NALCN: variants seen among roughly 807,000 people sequenced by gnomAD.
NALCN encodes the protein sodium leak channel, non-selective, also known as sodium leak channel NALCN.
NALCN carries 111 observed loss-of-function variants against 225.3 expected under a neutral mutation model. The ratio of observed to expected loss-of-function variants is 0.49; its 90% CI spans 0.42 to 0.58. The LOEUF (loss-of-function observed/expected upper bound fraction) is 0.58. Ranked by LOEUF, NALCN falls within the 20% of genes least tolerant of loss-of-function variation. The pLI is 0.00. For missense variants in NALCN, 1,378 were observed against 2,202.4 expected (o/e 0.63, Z 7.49); for synonymous variants, 764 against 769.0 (o/e 0.99, Z 0.11).
intron 7 of NALCN, among the ~76,000 whole-genome samples, chr13:101,336,738 A>C (rs533898986): frequency 6.6e-6 from 1 of 152,234 alleles, no homozygotes; most frequent in African/African-American, 2.4e-5. Context: ...GGATTTCCAA[A>C]ATCACCTTGT....
At position 101,392,010 on chromosome 13, in the gene NALCN, A is replaced by C. The variant is rs530336478; in HGVS notation, c.291+3173T>G. ...GAAAAAACAAAAACAAAAACAAAAA[A>C]AAAACAAAAAATAAAAAATAAAAAT... is the stretch of plus-strand genomic sequence containing the variant. On this transcript the variant is annotated intron_variant, in intron 3 of 43. Coordinates refer to ENST00000251127, the MANE Select transcript of NALCN (RefSeq NM_052867.4). Among the ~76,000 whole-genome samples the C allele has an allele frequency of 3.0e-3, 455 of 151,642 alleles. 6 individuals carry two copies. Among genetic ancestry groups the C allele is most frequent in the African/African-American group, 1.0e-2 (413 of 41,318 alleles).
chr13:101,392,013 A>C (rs753523917), intron 3 of NALCN, among the ~76,000 whole-genome samples: 3 of 151,618 alleles, frequency 2.0e-5, no homozygotes, highest in South Asian at 4.2e-4. Flanking sequence ...ACAAAAAAAA[A>C]ACAAAAAATA....
chr13:101,238,496 G>T (rs565819546), intron 11 of NALCN, among the ~76,000 whole-genome samples: 123 of 151,888 alleles, frequency 8.1e-4, no homozygotes, highest in African/African-American at 2.9e-3. Context: ...ATCAATATTA[G>T]TATATTAACA....
At chr13:101,092,040 C>T (rs1037107119) in intron 28 of NALCN, among the ~76,000 whole-genome samples, 4 of 152,170 alleles carry the variant, frequency 2.6e-5, no homozygotes, top group Non-Finnish European at 5.9e-5. Flanking sequence ...CCTGTAACTA[C>T]GGAGTCCTTC....
chr13:101,234,961 T>G (rs1160657708), intron 12 of NALCN, among the ~76,000 whole-genome samples: 1 of 152,042 alleles, frequency 6.6e-6, no homozygotes, highest in Non-Finnish European at 1.5e-5. Context: ...AAATCAGACA[T>G]GATGACAAGA....
chr13:101,137,355 C>T (rs577213696), intron 17 of NALCN, among the ~76,000 whole-genome samples: 304 of 151,594 alleles, frequency 2.0e-3, no homozygotes, highest in African/African-American at 6.6e-3. Flanking sequence ...AGGCTGTGTT[C>T]GTTCGTTCAT....
chr13:101,256,621 C>G (rs1186673236), intron 11 of NALCN, among the ~76,000 whole-genome samples: 1 of 152,166 alleles, frequency 6.6e-6, no homozygotes, highest in Non-Finnish European at 1.5e-5. Context: ...TCCCACTTCA[C>G]TGTCTCATCA....
At chr13:101,064,849 G>A (rs572187239) in intron 40 of NALCN, among the ~76,000 whole-genome samples, 1 of 152,282 alleles carries the variant, frequency 6.6e-6, no homozygotes, top group African/African-American at 2.4e-5. Context: ...AAATACAGAA[G>A]TCTCCCAGGA....
chr13:101,415,228 T>TATATATATATATATATATATATATATAC (rs137895468), intron 1 of NALCN, among the ~76,000 whole-genome samples: 3 of 129,230 alleles, frequency 2.3e-5, no homozygotes, highest in Non-Finnish European at 3.3e-5. Context: ...TATATATACA[T>TATATATATATATATATATATATATATAC]ACATATATAT....
rs757748955 is a variant in NALCN at position 101,083,799 on chromosome 13, C to T, written c.3495G>A (p.Thr1165=). Residue 1165 remains threonine, a synonymous_variant, in exon 31 of 44, where the codon ACG becomes ACA. Transcript: ENST00000251127. ...TTCTCTGATCGACGGTCAGCAAAGC[C>T]GTCCCCTTAACAGACAAAAGAAAGC... ...VIANFNENKG[T]ALLTVDQRRW... The T allele has an allele frequency of 1.6e-5, 26 of 1,613,494 alleles. No homozygotes were observed. The highest frequency in any genetic ancestry group is 1.2e-4 in the Admixed American group (7 of 59,986).
intron 10 of NALCN, among the ~76,000 whole-genome samples, chr13:101,261,212 G>A (rs1213050954): frequency 3.3e-5 from 5 of 152,064 alleles, no homozygotes; most frequent in African/African-American, 1.2e-4. Context: ...ATTCTGTTTC[G>A]TTGGTCTATG....
At chr13:101,183,063 A>G (rs1401939524) in intron 14 of NALCN, among the ~76,000 whole-genome samples, 2 of 152,232 alleles carry the variant, frequency 1.3e-5, no homozygotes, top group Non-Finnish European at 2.9e-5. Flanking sequence ...GGAGTGGGTG[A>G]CAAGCCCTCA....
intron 7 of NALCN, among the ~76,000 whole-genome samples, chr13:101,300,081 T>A (rs895394739): frequency 1.3e-5 from 2 of 151,376 alleles, no homozygotes; most frequent in African/African-American, 4.9e-5. Flanking sequence ...GGACTCAACA[T>A]AATGAACATT....
intron 13 of NALCN, among the ~76,000 whole-genome samples, chr13:101,196,530 A>T (rs774628082): frequency 1.1e-4 from 16 of 152,150 alleles, no homozygotes; most frequent in Non-Finnish European, 2.1e-4. Context: ...AGGGGCAGAG[A>T]ATTATTCCAG....
intron 3 of NALCN, among the ~76,000 whole-genome samples, chr13:101,379,588 C>G (rs143757338): frequency 4.2e-5 from 6 of 143,658 alleles, no homozygotes; most frequent in African/African-American, 1.5e-4. Context: ...AGCTGGAAAC[C>G]ATCACTCTCA....
At chr13:101,381,801 A>G (rs2046855757) in intron 3 of NALCN, among the ~76,000 whole-genome samples, 4 of 152,078 alleles carry the variant, frequency 2.6e-5, no homozygotes, top group Non-Finnish European at 5.9e-5. Flanking sequence ...AAAAGTGTAT[A>G]TTTTCAAATG....
chr13:101,246,486 C>A (rs1443292480), intron 11 of NALCN, among the ~76,000 whole-genome samples: 2 of 152,176 alleles, frequency 1.3e-5, no homozygotes, highest in Non-Finnish European at 2.9e-5. Context: ...CTGTATCAGT[C>A]TGGAGCTGTC....
chr13:101,193,469 C>G (rs1449382446), intron 13 of NALCN, among the ~76,000 whole-genome samples: 2 of 152,154 alleles, frequency 1.3e-5, no homozygotes, highest in East Asian at 3.9e-4. Flanking sequence ...GAACCACGAA[C>G]TAGAAGATAA....
At chr13:101,093,666 A>G (rs2139567423) in intron 28 of NALCN, among the ~76,000 whole-genome samples, 1 of 152,344 alleles carries the variant, frequency 6.6e-6, no homozygotes, top group South Asian at 2.1e-4. Flanking sequence ...GACTAGGTTG[A>G]GTGCTATAGG....
Sources: gnomAD v4.1 joint callset for allele counts (sites outside exome capture counted in the v4.1 genomes callset) on GRCh38, gnomAD v4.1.1 for gene constraint, MANE v1.5 for transcripts, NCBI Gene and HGNC (gene_info 2026-07-23, HGNC 2026-07-21) for gene names.